The following XNDC1N variants were observed in gnomAD, a reference collection of about 807,000 sequenced individuals.
XNDC1N encodes the protein XRCC1 N-terminal domain containing 1, N-terminal like, also known as protein XNDC1N.
chr11:71,914,457 C>G, the XNDC1N span: 1 of 444,518 alleles, frequency 2.2e-6, no homozygotes, highest in Non-Finnish European at 4.5e-6. Context: ...ATGGCTGAGG[C>G]GGGTGGATCA....
At chr11:71,917,596 TC>T in the XNDC1N span, 1 of 703,686 alleles carries the variant, frequency 1.4e-6, no homozygotes, top group South Asian at 1.5e-5. Flanking sequence ...ACCACCCCCA[TC>T]TTTTCTGCTT....
At chr11:71,874,689 A>C in the XNDC1N span, among the ~76,000 whole-genome samples, 1 of 152,186 alleles carries the variant, frequency 6.6e-6, no homozygotes, top group African/African-American at 2.4e-5. Flanking sequence ...TTGTGCCAAT[A>C]TGCTTCTCAT....
the XNDC1N span, among the ~76,000 whole-genome samples, chr11:71,894,707 A>T: frequency 2.6e-3 from 391 of 152,336 alleles, 1 homozygote; most frequent in Non-Finnish European, 4.2e-3. Context: ...ATATACACGA[A>T]GTCCTCACTT....
At chr11:71,872,841 T>A in the XNDC1N span, among the ~76,000 whole-genome samples, 1 of 152,200 alleles carries the variant, frequency 6.6e-6, no homozygotes, top group Admixed American at 6.5e-5. Context: ...CACTTGTAAG[T>A]TTGTTTTGGT....
chr11:71,877,503 A>G, the XNDC1N span, among the ~76,000 whole-genome samples: 1 of 152,176 alleles, frequency 6.6e-6, no homozygotes, highest in African/African-American at 2.4e-5. Flanking sequence ...CCAGGCATGG[A>G]GACGTGTGCC....
At chr11:71,894,627 T>A in the XNDC1N span, among the ~76,000 whole-genome samples, 7 of 152,254 alleles carry the variant, frequency 4.6e-5, no homozygotes, top group African/African-American at 1.4e-4. Flanking sequence ...GAATCCTCTA[T>A]ACCTAGGCGG....
At chr11:71,885,938 A>G in the XNDC1N span, among the ~76,000 whole-genome samples, 1 of 141,286 alleles carries the variant, frequency 7.1e-6, no homozygotes. Context: ...ATCGGTATTG[A>G]TTTTTAAAAA....
chr11:71,867,829 C>T, the XNDC1N span, among the ~76,000 whole-genome samples: 28,576 of 151,976 alleles, frequency 0.19, 4,906 homozygotes, highest in African/African-American at 0.45. Flanking sequence ...GAGTTAGGGC[C>T]TAAATATCTT....
At chr11:71,882,197 G>T in the XNDC1N span, among the ~76,000 whole-genome samples, 2 of 147,964 alleles carry the variant, frequency 1.4e-5, no homozygotes, top group African/African-American at 5.1e-5. Flanking sequence ...AGAGGAAAGT[G>T]AAATATTTAA....
the XNDC1N span, chr11:71,927,524 G>T: frequency 4.3e-5 from 6 of 138,060 alleles, no homozygotes; most frequent in East Asian, 6.3e-4. Context: ...CCGTTTCAAA[G>T]AAAAAAAAAA....
At chr11:71,882,226 AG>A in the XNDC1N span, among the ~76,000 whole-genome samples, 2 of 151,354 alleles carry the variant, frequency 1.3e-5, no homozygotes, top group Admixed American at 6.6e-5. Context: ...AAAAAAAAAA[AG>A]AACACTATCT....
At chr11:71,888,626 G>T in the XNDC1N span, among the ~76,000 whole-genome samples, 7 of 152,184 alleles carry the variant, frequency 4.6e-5, no homozygotes, top group Admixed American at 6.5e-5. Context: ...ACAACTAGAC[G>T]GGGTTTCTAA....
chr11:71,927,403 C>G, the XNDC1N span, among the ~76,000 whole-genome samples: 1 of 152,080 alleles, frequency 6.6e-6, no homozygotes, highest in Non-Finnish European at 1.5e-5. Flanking sequence ...CGTACGTAGT[C>G]CCAGCTATTT....
the XNDC1N span, chr11:71,903,947 A>C: frequency 1.3e-5 from 6 of 476,530 alleles, no homozygotes; most frequent in Admixed American, 8.8e-5. Flanking sequence ...TGCTGATTTT[A>C]TGGAACAGGC....
the XNDC1N span, among the ~76,000 whole-genome samples, chr11:71,908,032 G>C: frequency 6.6e-6 from 1 of 152,102 alleles, no homozygotes; most frequent in African/African-American, 2.4e-5. Flanking sequence ...CTGGCTGGTT[G>C]TACACCTACT....
chr11:71,884,840 T>C, the XNDC1N span, among the ~76,000 whole-genome samples: 5 of 151,724 alleles, frequency 3.3e-5, no homozygotes, highest in African/African-American at 1.2e-4. Context: ...CCCCCCTGGC[T>C]CTTAGAACCC....
chr11:71,897,275 G>A, the XNDC1N span, among the ~76,000 whole-genome samples: 218 of 152,256 alleles, frequency 1.4e-3, no homozygotes, highest in Admixed American at 2.4e-3. Context: ...AAAACATGGC[G>A]AACTGAGTGA....
the XNDC1N span, among the ~76,000 whole-genome samples, chr11:71,867,369 G>A: frequency 6.6e-6 from 1 of 152,228 alleles, no homozygotes; most frequent in East Asian, 1.9e-4. Context: ...AGGAGGTCAT[G>A]ACAACCCACT....
At chr11:71,904,484 G>T in the XNDC1N span, among the ~76,000 whole-genome samples, 94 of 152,200 alleles carry the variant, frequency 6.2e-4, no homozygotes, top group African/African-American at 2.2e-3. Context: ...ATATCACAGG[G>T]TATACACTAT....
Sources: allele counts gnomAD v4.1 joint callset (sites outside exome capture counted in the v4.1 genomes callset), GRCh38; gene constraint gnomAD v4.1.1; transcripts MANE v1.5; gene names NCBI Gene and HGNC (gene_info 2026-07-23, HGNC 2026-07-21).